The following DMTN variants were observed in gnomAD, a reference collection of about 807,000 sequenced individuals.
The protein encoded by DMTN is dematin.
Under a neutral mutation model 59.4 loss-of-function variants are expected in DMTN, and 27 were observed. That is an observed-to-expected ratio of 0.45 (90% CI 0.33 to 0.63). The LOEUF is 0.63. Among genes scored for constraint, DMTN ranks in the 20% least tolerant of loss-of-function variants. The pLI is 0.02. For missense variants in DMTN, 451 were observed against 528.9 expected (o/e 0.85, Z 1.45); for synonymous variants, 221 against 203.7 (o/e 1.08, Z -0.72).
intron 10 of DMTN, 112 bp downstream of exon 10, chr8:22,073,947 C>A: frequency 1.2e-6 from 1 of 806,040 alleles, no homozygotes; most frequent in Non-Finnish European, 2.1e-6. Context: ...CAAAGCACGG[C>A]TGCTCTCTTG....
Position 22,081,243 on chromosome 8 carries a change from C to A in DMTN, c.1104+50C>A, listed in dbSNP as rs776705352. 1.9e-6 allele frequency: 3 copies of A among 1,608,614 alleles called. No individual in the cohort carries two copies. In the Admixed American group the frequency reaches 5.0e-5, roughly 27 times the overall value. On this transcript the variant is annotated intron_variant, in intron 15 of 15. Transcript: ENST00000358242. ...GGGTGCGGGGCTGTCCACGGGCACTCTCCTGCCTGGGGGAAGATCTGGGGC... is the reference window on the plus strand; with the variant it reads ...GGGTGCGGGGCTGTCCACGGGCACTATCCTGCCTGGGGGAAGATCTGGGGC...
rs1824338449 is a variant in DMTN at position 22,081,638 on chromosome 8, C to G, written c.*175C>G. The G allele has an allele frequency of 6.4e-6, 4 of 625,810 alleles. No individual in the cohort carries two copies. Among genetic ancestry groups the G allele is most frequent in the South Asian group, 3.8e-5 (2 of 52,888 alleles). 38.8% of individuals were successfully genotyped at this position (625,810 alleles called of 1,614,324 possible). A position where few individuals can be genotyped will look rare whatever the true frequency, so the allele number is the denominator to read the frequency against. On this transcript the variant is annotated 3_prime_UTR_variant, in exon 16 of 16. Coordinates refer to ENST00000358242, the MANE Select transcript of DMTN (RefSeq NM_001387751.1). ...CAGTGAGCTATGGACTTTCTTCCCCCTCACAAGGCTGGGGGCCTCCTGCTC... is the reference window on the plus strand; with the variant it reads ...CAGTGAGCTATGGACTTTCTTCCCCGTCACAAGGCTGGGGGCCTCCTGCTC...
chr8:22,075,989 C>T (rs6557776), intron 10 of DMTN, among the ~76,000 whole-genome samples: 151,668 of 152,334 alleles, frequency 1, 75,503 homozygotes, highest in Middle Eastern at 1. Context: ...GATTTGAGAA[C>T]ATATAGACAA....
At chr8:22,071,209 G>C (rs951290450) in intron 8 of DMTN, among the ~76,000 whole-genome samples, 19 of 152,126 alleles carry the variant, frequency 1.2e-4, no homozygotes, top group African/African-American at 4.6e-4. Context: ...CATTTCTCCT[G>C]CCTCAGCCTC....
At chr8:22,067,796 A>T in intron 4 of DMTN, 114 bp downstream of exon 4, 2 of 1,298,526 alleles carry the variant, frequency 1.5e-6, no homozygotes, top group Non-Finnish European at 2.1e-6. Flanking sequence ...GCAAAACAAG[A>T]GAGGGAACTG....
At chr8:22,079,299 T>A (rs1489462067) in intron 10 of DMTN, among the ~76,000 whole-genome samples, 1 of 95,440 alleles carries the variant, frequency 1.0e-5, no homozygotes, top group African/African-American at 4.3e-5. Flanking sequence ...TATATATATA[T>A]ATTAGCTGGG....
chr8:22,071,517 C>T (rs1028372864), intron 8 of DMTN, among the ~76,000 whole-genome samples: 2 of 151,978 alleles, frequency 1.3e-5, no homozygotes, highest in African/African-American at 2.4e-5. Context: ...GTTTCAGCCT[C>T]GCAAGTAGCT....
chr8:22,072,315 G>T lies in DMTN; in HGVS notation c.605-11G>T, dbSNP rs1225362053. 1.9e-6 allele frequency: 3 copies of T among 1,593,610 alleles called. No homozygotes were observed. The highest frequency in any genetic ancestry group is 2.6e-6 in the Non-Finnish European group (3 of 1,169,596). On this transcript the variant is annotated splice_polypyrimidine_tract_variant and intron_variant, in intron 8 of 15. Coordinates refer to ENST00000358242, the MANE Select transcript of DMTN (RefSeq NM_001387751.1). The stretch of plus-strand genomic sequence containing the variant: ...AGTGACTCCCTCCCCACCTTTGCTT[G>T]TGTCTCCTAGAGACAGAATGGAGGA...
chr8:22,067,533 A>G lies in DMTN; in HGVS notation c.100A>G (p.Met34Val). 1.2e-6 allele frequency: 2 copies of G among 1,614,174 alleles called. No homozygotes were observed. Among genetic ancestry groups the G allele is most frequent in the Non-Finnish European group, 1.7e-6 (2 of 1,180,032 alleles). ...CGCGCACCTTTCCCTTCAGGCCAAGATGGACAATCAGGTGCTGGGCTACAA... is the reference window on the plus strand; with the variant it reads ...CGCGCACCTTTCCCTTCAGGCCAAGGTGGACAATCAGGTGCTGGGCTACAA... ...PGSPSSIVAKMDNQVLGYKDL... is the reference protein window; with the variant it reads ...PGSPSSIVAKVDNQVLGYKDL... Residue 34 changes from methionine (M) to valine (V), a missense_variant, in exon 4 of 16, where the codon ATG becomes GTG. Coordinates refer to ENST00000358242, the MANE Select transcript of DMTN (RefSeq NM_001387751.1).
Position 22,080,794 on chromosome 8 carries a change from G to C in DMTN, c.958-11G>C. On this transcript the variant is annotated splice_polypyrimidine_tract_variant and intron_variant, in intron 13 of 15. Coordinates refer to ENST00000358242, the MANE Select transcript of DMTN (RefSeq NM_001387751.1). ...CCCCGCTCTGGCTCACTGCGGCTTT[G>C]GTCTCCCCAGAACGGAGAGGGCCAG... 1 of 1,608,620 alleles carries C rather than the reference G, an allele frequency of 6.2e-7. No individual in the cohort carries two copies. Among genetic ancestry groups the C allele is most frequent in the Non-Finnish European group, 8.5e-7 (1 of 1,177,862 alleles).
chr8:22,063,347 C>T (rs1480543080), intron 1 of DMTN, among the ~76,000 whole-genome samples: 4 of 152,206 alleles, frequency 2.6e-5, no homozygotes, highest in African/African-American at 4.8e-5. Flanking sequence ...GCTGGTCTCC[C>T]GGCAGACCTG....
upstream of DMTN, among the ~76,000 whole-genome samples, chr8:22,056,221 A>T (rs1353686304): frequency 6.6e-6 from 1 of 151,986 alleles, no homozygotes; most frequent in Non-Finnish European, 1.5e-5. Context: ...GCTGCATCCC[A>T]TTGGAGTTCC....
chr8:22,066,897 C>G lies in DMTN; in HGVS notation c.18+4C>G. On this transcript the variant is annotated splice_donor_region_variant and intron_variant, in intron 2 of 15. Coordinates refer to ENST00000358242, the MANE Select transcript of DMTN (RefSeq NM_001387751.1). ...CTGCATGGAACGGCTGCAGAAGGTG[C>G]GCGGCGCCGCCCCGGGCCGGGGCCG... 1 of 1,279,910 alleles carries G rather than the reference C, an allele frequency of 7.8e-7. No individual in the cohort carries two copies. Among genetic ancestry groups the G allele is most frequent in the Non-Finnish European group, 9.9e-7 (1 of 1,012,210 alleles). The allele number at this position is 1,279,910 out of a possible 1,614,324, so 79.3% of individuals were successfully genotyped here. A position where few individuals can be genotyped will look rare whatever the true frequency, so the allele number is the denominator to read the frequency against.
At chr8:22,064,587 T>G (rs1396117207) in intron 1 of DMTN, among the ~76,000 whole-genome samples, 1 of 152,070 alleles carries the variant, frequency 6.6e-6, no homozygotes, top group Admixed American at 6.6e-5. Flanking sequence ...GCCTCCTGAG[T>G]AGCTGGGACT....
At position 22,066,736 on chromosome 8, in the gene DMTN, C is replaced by T; in HGVS notation, c.-140C>T. ...GAGTCACCGCCGAGGGATGAGGACG[C>T]GCCAGCCCGGGGGAACGCGCCAGCT... On this transcript the variant is annotated 5_prime_UTR_variant, in exon 2 of 16. Coordinates refer to ENST00000358242, the MANE Select transcript of DMTN (RefSeq NM_001387751.1). 1 of 960,946 alleles carries T rather than the reference C, an allele frequency of 1.0e-6. No homozygotes were observed. Among genetic ancestry groups the T allele is most frequent in the Non-Finnish European group, 1.4e-6 (1 of 726,212 alleles). The allele number at this position is 960,946 out of a possible 1,614,324, so 59.5% of individuals were successfully genotyped here.
Position 22,067,108 on chromosome 8 carries a change from C to T in DMTN, c.42C>T (p.Ser14=). Reference sequence around the variant, plus strand: ...AGCAACCACTTACCTCCCCCGGGAGCGTGAGCCCCTCCCGAGATTCCAGTG... The same window carrying T: ...AGCAACCACTTACCTCCCCCGGGAGTGTGAGCCCCTCCCGAGATTCCAGTG... The part of the protein sequence containing the change: ...LQKQPLTSPG[S]VSPSRDSSVP... The change falls in exon 3 of 16, where the codon AGC becomes AGT. Residue 14 remains serine (S), a synonymous_variant. Transcript: ENST00000358242. The T allele has an allele frequency of 1.9e-6, 3 of 1,605,802 alleles. No homozygotes were observed. The highest frequency in any genetic ancestry group is 1.7e-6 in the Non-Finnish European group (2 of 1,176,818).
Position 22,070,206 on chromosome 8 carries a change from C to A in DMTN, c.476C>A (p.Thr159Asn). ...GAGTCCGTGGGAGGCAGCCCTCAGA[C>A]CAAGCACCTCATCGAGGATCTCATC... ...QRESVGGSPQ[T>N]KHLIEDLIIE... Residue 159 changes from threonine to asparagine, a missense_variant, in exon 8 of 16, where the codon ACC becomes AAC. By Grantham distance (65) the Thr-to-Asn change is moderately conservative. Transcript: ENST00000358242. 1 of 1,603,662 alleles carries A rather than the reference C, an allele frequency of 6.2e-7. No individual in the cohort carries two copies. Among genetic ancestry groups the A allele is most frequent in the Non-Finnish European group, 8.5e-7 (1 of 1,174,188 alleles).
At chr8:22,079,255 A>T (rs10103389) in intron 10 of DMTN, among the ~76,000 whole-genome samples, 43,294 of 82,006 alleles carry the variant, frequency 0.53, 13,564 homozygotes, top group Admixed American at 0.61. Context: ...ACAAAAAATA[A>T]AAATAAATAA....
chr8:22,072,630 A>G (rs1384158274), intron 9 of DMTN, among the ~76,000 whole-genome samples, 180 bp downstream of exon 9: 3 of 10,234 alleles, frequency 2.9e-4, no homozygotes, highest in Non-Finnish European at 6.3e-4. Flanking sequence ...TCGCCCAGCT[A>G]ATTTTTTTTT....
Sources: gnomAD v4.1 joint callset for allele counts (sites outside exome capture counted in the v4.1 genomes callset) on GRCh38, gnomAD v4.1.1 for gene constraint, MANE v1.5 for transcripts, NCBI Gene and HGNC (gene_info 2026-07-23, HGNC 2026-07-21) for gene names.